The following PCNX2 variants were observed in gnomAD, a reference collection of about 807,000 sequenced individuals.
The protein encoded by PCNX2 is pecanex 2, also known as pecanex-like protein 2.
A neutral mutation model predicts 223.8 loss-of-function variants in PCNX2; 168 were observed. That is an observed-to-expected ratio of 0.75 (90% confidence interval 0.66 to 0.85). The LOEUF (loss-of-function observed/expected upper bound fraction) is 0.85. Ranked by LOEUF, PCNX2 falls within the 40% of genes least tolerant of loss-of-function variation. PCNX2 has a pLI of 0.00. For missense variants in PCNX2, 2,507 were observed against 2,675.5 expected, an observed-to-expected ratio of 0.94 and a Z score of 1.39; for synonymous variants, 1,006 against 1,052.6, an observed-to-expected ratio of 0.96 and a Z score of 0.86.
the PCNX2 span, among the ~76,000 whole-genome samples, chr1:233,326,058 A>G: frequency 6.6e-6 from 1 of 152,250 alleles, no homozygotes; most frequent in Non-Finnish European, 1.5e-5. Flanking sequence ...CAGCTAAAAG[A>G]TTATGACTTG....
In PCNX2 at chr1:233,198,969, C is replaced by G. The variant is rs566592957; in HGVS notation, c.3036G>C (p.Leu1012=). 44 of 1,606,034 alleles carry G rather than the reference C, an allele frequency of 2.7e-5. No individual in the cohort carries two copies. The South Asian group carries it at 4.7e-4, about 17-fold the overall frequency. Residue 1012 remains leucine, a synonymous_variant, in exon 15 of 34, where the codon CTG becomes CTC. Coordinates refer to ENST00000258229, the MANE Select transcript of PCNX2 (RefSeq NM_014801.4). ...SVARSVLAAA[L]LHAVCFSAVK... ...CTGCACTGAAGCAGACTGCGTGGAG[C>G]AGGGCGGCAGCCAAGACGCTCCGGG...
At chr1:233,236,213 T>A (rs968532083) in intron 9 of PCNX2, among the ~76,000 whole-genome samples, 16 of 151,894 alleles carry the variant, frequency 1.1e-4, no homozygotes, top group African/African-American at 3.6e-4. Context: ...ATGCCCAAAA[T>A]TGAATCTGCA....
chr1:233,092,110 A>C (rs927337706), intron 22 of PCNX2, among the ~76,000 whole-genome samples: 5 of 152,194 alleles, frequency 3.3e-5, no homozygotes, highest in Non-Finnish European at 5.9e-5. Flanking sequence ...TCATTGAGTG[A>C]AGGTATTGAA....
rs375012922 is a variant in PCNX2 at position 233,169,514 on chromosome 1, G to A, written c.3274-8151C>T. Among the ~76,000 whole-genome samples the A allele has an allele frequency of 2.2e-4, 34 of 151,214 alleles. No individual in the cohort carries two copies. The South Asian group carries it at 5.3e-3, about 23-fold the overall frequency. On this transcript the variant is annotated intron_variant, in intron 17 of 33. Coordinates refer to ENST00000258229, the MANE Select transcript of PCNX2 (RefSeq NM_014801.4). ...GCAAAAATTAGCCGGGCATGGTGGC[G>A]CGCGCCTGTAGTCCCAGCTACACGG...
At chr1:233,057,350 G>T in intron 23 of PCNX2, 60 bp from the exon 24 acceptor site, 1 of 1,357,104 alleles carries the variant, frequency 7.4e-7, no homozygotes, top group Non-Finnish European at 1.0e-6. Context: ...CAGAAGAGTT[G>T]GTTTATAGAA....
At chr1:233,090,390 A>G (rs1673812601) in intron 22 of PCNX2, among the ~76,000 whole-genome samples, 200 bp from the exon 23 acceptor site, 1 of 152,134 alleles carries the variant, frequency 6.6e-6, no homozygotes, top group African/African-American at 2.4e-5. Context: ...TTTCACCACC[A>G]CGTAAACCAA....
Position 233,267,738 on chromosome 1 carries a change from T to C in PCNX2, c.154-4575A>G, listed in dbSNP as rs1451483759. ...GCTGAGTAATATTTCATTGTATGGCTAGAACACATTTTGTTTATTCATTCA... is the reference window on the plus strand; with the variant it reads ...GCTGAGTAATATTTCATTGTATGGCCAGAACACATTTTGTTTATTCATTCA... On this transcript the variant is annotated intron_variant, in intron 1 of 33. Transcript: ENST00000258229. Among the ~76,000 whole-genome samples, 5 of 152,208 alleles carry C rather than the reference T, an allele frequency of 3.3e-5. No individual in the cohort carries two copies. In the East Asian group the frequency reaches 9.6e-4, roughly 29 times the overall value.
intron 14 of PCNX2, among the ~76,000 whole-genome samples, chr1:233,199,927 T>C (rs1398170793): frequency 6.6e-6 from 1 of 152,192 alleles, no homozygotes; most frequent in Non-Finnish European, 1.5e-5. Flanking sequence ...AATTCTACCC[T>C]TCCTTGTCTC....
chr1:233,273,533 T>A (rs1660754567), intron 1 of PCNX2, among the ~76,000 whole-genome samples: 1 of 152,196 alleles, frequency 6.6e-6, no homozygotes, highest in Non-Finnish European at 1.5e-5. Flanking sequence ...ATGTGTTTAG[T>A]TTGATTCTTG....
intron 25 of PCNX2, among the ~76,000 whole-genome samples, chr1:233,051,690 T>A (rs1672012901): frequency 6.6e-6 from 1 of 152,168 alleles, no homozygotes; most frequent in Non-Finnish European, 1.5e-5. Context: ...CACTGGGGAC[T>A]GGTAGACATT....
intron 15 of PCNX2, among the ~76,000 whole-genome samples, chr1:233,186,790 A>T (rs907918276): frequency 1.3e-5 from 2 of 152,254 alleles, no homozygotes; most frequent in African/African-American, 4.8e-5. Context: ...TTTTAGAGAT[A>T]GGTACTGAAG....
At position 233,037,296 on chromosome 1, in the gene PCNX2, T is replaced by A. The variant is rs563231744; in HGVS notation, c.4352-11897A>T. Reference sequence around the variant, plus strand: ...CTTCTCCCCTAGTTCCAGTTTCCAGTCCTTCAGCAACACTGGACCTGTGTG... The same window carrying A: ...CTTCTCCCCTAGTTCCAGTTTCCAGACCTTCAGCAACACTGGACCTGTGTG... On this transcript the variant is annotated intron_variant, in intron 25 of 33. Transcript: ENST00000258229. 3.9e-5 allele frequency among the ~76,000 whole-genome samples: 6 copies of A among 152,306 alleles called. No homozygotes were observed. The South Asian group carries it at 1.2e-3, about 32-fold the overall frequency.
intron 22 of PCNX2, 21 bp from the exon 23 acceptor site, chr1:233,090,211 C>CAA: frequency 5.3e-6 from 7 of 1,333,162 alleles, no homozygotes; most frequent in Middle Eastern, 1.9e-4. Context: ...TGAGTTAAGG[C>CAA]AAAAAAAAAA....
chr1:233,056,160 T>C (rs1446629465), intron 24 of PCNX2, among the ~76,000 whole-genome samples: 1 of 152,188 alleles, frequency 6.6e-6, no homozygotes, highest in Admixed American at 6.5e-5. Flanking sequence ...ACTGTATTCA[T>C]TTTCTCTAAT....
chr1:233,215,366 T>C (rs1212913567), intron 12 of PCNX2, among the ~76,000 whole-genome samples: 1 of 152,230 alleles, frequency 6.6e-6, no homozygotes, highest in African/African-American at 2.4e-5. Context: ...ATTACTGCAA[T>C]AAACATAGTT....
At chr1:233,257,327 T>C (rs1659788392) in intron 5 of PCNX2, among the ~76,000 whole-genome samples, 1 of 152,098 alleles carries the variant, frequency 6.6e-6, no homozygotes, top group Non-Finnish European at 1.5e-5. Flanking sequence ...TGATGGTATA[T>C]CCATAACGTA....
At chr1:233,200,749 C>T (rs560371570) in intron 13 of PCNX2, among the ~76,000 whole-genome samples, 13 of 151,938 alleles carry the variant, frequency 8.6e-5, no homozygotes, top group African/African-American at 2.9e-4. Flanking sequence ...AGGACAGGCA[C>T]GGTGGCTCAC....
Position 233,178,839 on chromosome 1 carries a change from G to A in PCNX2, c.3176+227C>T, listed in dbSNP as rs116748091. Reference sequence around the variant, plus strand: ...TGTGCATTTTACTCCAAAATCAAAAGAGCAAAACTAAAATGTTTGCTAGAT... The same window carrying A: ...TGTGCATTTTACTCCAAAATCAAAAAAGCAAAACTAAAATGTTTGCTAGAT... On this transcript the variant is annotated intron_variant, in intron 16 of 33. Transcript: ENST00000258229. 8.8e-3 allele frequency among the ~76,000 whole-genome samples: 1,334 copies of A among 152,260 alleles called. 24 individuals carry two copies. The highest frequency in any genetic ancestry group is 0.031 in the African/African-American group (1,277 of 41,556).
chr1:233,014,620 G>C (rs2102816480), intron 28 of PCNX2, 45 bp downstream of exon 28: 1 of 1,442,074 alleles, frequency 6.9e-7, no homozygotes, highest in East Asian at 2.3e-5. Context: ...ACATGTGAAA[G>C]TGGGTGCCTG....
Sources: gnomAD v4.1 joint callset for allele counts (sites outside exome capture counted in the v4.1 genomes callset) on GRCh38, gnomAD v4.1.1 for gene constraint, MANE v1.5 for transcripts, NCBI Gene and HGNC (gene_info 2026-07-23, HGNC 2026-07-21) for gene names.